Variants in ERI3 observed in about 807,000 individuals in gnomAD.
The protein encoded by ERI3 is ERI1 exoribonuclease 3.
Under a neutral mutation model 44.4 loss-of-function variants are expected in ERI3, and 18 were observed. The observed-to-expected ratio is 0.41, with a 90% CI of 0.28 to 0.60. ERI3 has a LOEUF of 0.60. Ranked by LOEUF, ERI3 falls within the 20% of genes least tolerant of loss-of-function variation. The pLI is 0.36. For synonymous variants in ERI3, 183 were observed against 164.8 expected (o/e 1.11, Z -0.84); for missense variants, 294 against 435.5 (o/e 0.68, Z 2.89).
chr1:44,265,496 G>A (rs1481599840), intron 7 of ERI3, among the ~76,000 whole-genome samples: 6 of 152,138 alleles, frequency 3.9e-5, no homozygotes, highest in Non-Finnish European at 8.8e-5. Flanking sequence ...CAACAATACA[G>A]CAGTGACCCC....
At chr1:44,279,689 T>G (rs367712179) in intron 7 of ERI3, among the ~76,000 whole-genome samples, 1 of 152,222 alleles carries the variant, frequency 6.6e-6, no homozygotes, top group Non-Finnish European at 1.5e-5. Flanking sequence ...CTCAGTCAAC[T>G]CATTCCAATT....
intron 3 of ERI3, among the ~76,000 whole-genome samples, chr1:44,326,831 A>G (rs1414915866): frequency 1.3e-5 from 2 of 152,262 alleles, no homozygotes; most frequent in African/African-American, 4.8e-5. Context: ...AAAGAGGCTG[A>G]AAATAGACAC....
chr1:44,274,464 T>C (rs1363383742), intron 7 of ERI3, among the ~76,000 whole-genome samples: 1 of 152,094 alleles, frequency 6.6e-6, no homozygotes, highest in African/African-American at 2.4e-5. Context: ...GTGAAAGAAA[T>C]TTCAGAGTTC....
intron 2 of ERI3, among the ~76,000 whole-genome samples, chr1:44,351,345 A>G (rs1646886393): frequency 6.6e-6 from 1 of 152,122 alleles, no homozygotes; most frequent in Non-Finnish European, 1.5e-5. Flanking sequence ...CCAACTTTCT[A>G]AAACATAAAT....
intron 8 of ERI3, among the ~76,000 whole-genome samples, chr1:44,227,865 T>C (rs945689425): frequency 2.6e-5 from 4 of 152,130 alleles, no homozygotes; most frequent in Admixed American, 1.3e-4. Context: ...GGTTTCTTCT[T>C]CTCTAAAATG....
At position 44,305,784 on chromosome 1, in the gene ERI3, G is replaced by C. The variant is rs1178285067; in HGVS notation, c.758+2526C>G. Among the ~76,000 whole-genome samples, 3 of 152,242 alleles carry C rather than the reference G, an allele frequency of 2.0e-5. No homozygotes were observed. The East Asian group carries it at 5.8e-4, about 29-fold the overall frequency. ...GAGGAGGAGGTAAGGACAGCAATGA[G>C]AAGGAACCATGGCTTCCGGAAACTA... On this transcript the variant is annotated intron_variant, in intron 6 of 8. Transcript: ENST00000372257.
intron 7 of ERI3, among the ~76,000 whole-genome samples, chr1:44,280,701 C>G (rs1200424627): frequency 2.6e-5 from 4 of 152,184 alleles, no homozygotes; most frequent in Admixed American, 2.6e-4. Context: ...TTAGCTCCCT[C>G]TACACTGCAG....
Position 44,221,122 on chromosome 1 carries a change from C to T in ERI3, c.*436G>A, listed in dbSNP as rs981229122. The T allele has an allele frequency of 1.9e-5, 5 of 265,754 alleles. No homozygotes were observed. Among genetic ancestry groups the T allele is most frequent in the East Asian group, 9.6e-5 (1 of 10,452 alleles). 16.5% of individuals were successfully genotyped at this position (265,754 alleles called of 1,614,324 possible). A position where few individuals can be genotyped will look rare whatever the true frequency, so the allele number is the denominator to read the frequency against. On this transcript the variant is annotated 3_prime_UTR_variant, in exon 9 of 9. Transcript: ENST00000372257. The surrounding 1 kb of genome is among the most constrained non-coding windows in gnomAD (Gnocchi z 5.9). Reference sequence around the variant, plus strand: ...GTTTCCCCGACTTTATTCAGTGGCACGTTCACAGCGGGGATGGGGGTAGAC... The same window carrying T: ...GTTTCCCCGACTTTATTCAGTGGCATGTTCACAGCGGGGATGGGGGTAGAC...
At chr1:44,269,406 T>A (rs760672231) in intron 7 of ERI3, among the ~76,000 whole-genome samples, 18 of 152,312 alleles carry the variant, frequency 1.2e-4, no homozygotes, top group Admixed American at 7.2e-4. Flanking sequence ...TCTGCCCACC[T>A]CTAGTGCCTA....
At chr1:44,255,573 C>G (rs113935465) in intron 7 of ERI3, among the ~76,000 whole-genome samples, 1 of 152,164 alleles carries the variant, frequency 6.6e-6, no homozygotes, top group Non-Finnish European at 1.5e-5. Flanking sequence ...ATTTCCAAAT[C>G]TGTATTTCTT....
rs112554874 is a variant in ERI3, at chr1:44,335,354, CA to C, written c.489+3690del. Among the ~76,000 whole-genome samples the C allele has an allele frequency of 1.2e-3, 137 of 117,626 alleles. 1 individual carries two copies. The highest frequency in any genetic ancestry group is 6.5e-3 in the South Asian group (24 of 3,714). 77.2% of individuals were successfully genotyped at this position (117,626 alleles called of 152,430 possible). A position where few individuals can be genotyped will look rare whatever the true frequency, so the allele number is the denominator to read the frequency against. Reference sequence around the variant, plus strand: ...TGGGCAACGGAGCAAGACTCTGTCTCAAAAAAAAAAAAACAAACAAAAAACA... The same window carrying C: ...TGGGCAACGGAGCAAGACTCTGTCTCAAAAAAAAAAAACAAACAAAAAACA... On this transcript the variant is annotated intron_variant, in intron 3 of 8. Coordinates refer to ENST00000372257, the MANE Select transcript of ERI3 (RefSeq NM_024066.3).
At chr1:44,273,128 A>G (rs962962759) in intron 7 of ERI3, among the ~76,000 whole-genome samples, 2 of 152,176 alleles carry the variant, frequency 1.3e-5, no homozygotes, top group Non-Finnish European at 2.9e-5. Flanking sequence ...CAAACTCACA[A>G]TCGAGAAATG....
chr1:44,221,968 C>T lies in ERI3; in HGVS notation c.932-328G>A, dbSNP rs751638343. 8.5e-5 allele frequency among the ~76,000 whole-genome samples: 13 copies of T among 152,250 alleles called. No homozygotes were observed. The highest frequency in any genetic ancestry group is 1.9e-4 in the East Asian group (1 of 5,194). On this transcript the variant is annotated intron_variant, in intron 8 of 8. Transcript: ENST00000372257. This position sits in a 1 kb window ranked among gnomAD's most constrained non-coding sequence, Gnocchi z 5.9. Reference sequence around the variant, plus strand: ...AGTAAATGTGTAATTTCTCCCTTGACGGCCCCCGGCCGCTGGGCGATCCTT... The same window carrying T: ...AGTAAATGTGTAATTTCTCCCTTGATGGCCCCCGGCCGCTGGGCGATCCTT...
At chr1:44,274,444 G>A (rs139170427) in intron 7 of ERI3, among the ~76,000 whole-genome samples, 2 of 152,310 alleles carry the variant, frequency 1.3e-5, no homozygotes, top group South Asian at 2.1e-4. Flanking sequence ...TTAACAAGGC[G>A]AGGGAAGGAG....
intron 3 of ERI3, among the ~76,000 whole-genome samples, chr1:44,338,296 G>A (rs537019283): frequency 1.3e-5 from 2 of 152,318 alleles, no homozygotes; most frequent in African/African-American, 4.8e-5. Context: ...TGGCTTAGCT[G>A]GCTGGTCTGG....
In ERI3 at chr1:44,252,078, G is replaced by A. The variant is rs1644691583; in HGVS notation, c.832-4040C>T. 6.6e-6 allele frequency among the ~76,000 whole-genome samples: 1 copy of A among 152,336 alleles called. No homozygotes were observed. Among genetic ancestry groups the A allele is most frequent in the African/African-American group, 2.4e-5 (1 of 41,572 alleles). On this transcript the variant is annotated intron_variant, in intron 7 of 8. Coordinates refer to ENST00000372257, the MANE Select transcript of ERI3 (RefSeq NM_024066.3). The surrounding 1 kb of genome is among the most constrained non-coding windows in gnomAD (Gnocchi z 4.7). The stretch of plus-strand genomic sequence containing the variant: ...GGGTCCACCTGCCCAGCTATGCACA[G>A]TCAGCACCTAGCCCCTGGGGTTCCC...
rs568072353 is a variant in ERI3 at position 44,250,463 on chromosome 1, G to A, written c.832-2425C>T. The stretch of plus-strand genomic sequence containing the variant: ...AGACTGGGACGTGTGAAAGGGGGAC[G>A]GAGGACAGCAGAGCCCCAGGAGGGC... On this transcript the variant is annotated intron_variant, in intron 7 of 8. Coordinates refer to ENST00000372257, the MANE Select transcript of ERI3 (RefSeq NM_024066.3). Among the ~76,000 whole-genome samples, 64 of 152,310 alleles carry A rather than the reference G, an allele frequency of 4.2e-4. 1 individual carries two copies. Among genetic ancestry groups the A allele is most frequent in the Non-Finnish European group, 5.4e-4 (37 of 68,024 alleles).
At chr1:44,345,971 C>T (rs559277151) in intron 2 of ERI3, among the ~76,000 whole-genome samples, 5 of 152,362 alleles carry the variant, frequency 3.3e-5, no homozygotes, top group African/African-American at 1.2e-4. Context: ...CCAAGCTATG[C>T]AGTCTCACAG....
chr1:44,335,776 CAA>C (rs58557158), intron 3 of ERI3, among the ~76,000 whole-genome samples: 136 of 72,714 alleles, frequency 1.9e-3, no homozygotes, highest in African/African-American at 4.3e-3. Flanking sequence ...AACTCCATCT[CAA>C]AAAAAAAAAA....
Sources: allele counts gnomAD v4.1 joint callset (sites outside exome capture counted in the v4.1 genomes callset), GRCh38; gene constraint gnomAD v4.1.1; non-coding constraint Gnocchi (gnomAD v3.1); transcripts MANE v1.5; gene names NCBI Gene and HGNC (gene_info 2026-07-23, HGNC 2026-07-21).